The following EYS variants were observed in gnomAD, a reference collection of about 807,000 sequenced individuals.
EYS encodes EGF-like photoreceptor maintenance factor, also known as protein eyes shut homolog.
A neutral mutation model predicts 282.1 loss-of-function variants in EYS; 250 were observed. That is an observed-to-expected ratio of 0.89 (90% CI 0.80 to 0.98). EYS has a LOEUF of 0.98. EYS is among the 50% of genes least tolerant of loss of function. The probability of loss-of-function intolerance (pLI) is 0.00; values close to 1 mark genes in which losing one functional copy is unlikely to be tolerated. For missense variants in EYS, 4,016 were observed against 3,709.0 expected (o/e 1.08, Z -2.15); for synonymous variants, 1,355 against 1,282.9 (o/e 1.06, Z -1.20).
chr6:64,145,586 T>G (rs1159504255), intron 31 of EYS, among the ~76,000 whole-genome samples: 1 of 152,222 alleles, frequency 6.6e-6, no homozygotes, highest in Non-Finnish European at 1.5e-5. Context: ...ATCCTCTTGT[T>G]GCATTTCCAA....
rs1044049294 is a variant in EYS, at chr6:64,362,035, T to G, written c.6078+26655A>C. 2.6e-5 allele frequency among the ~76,000 whole-genome samples: 4 copies of G among 151,946 alleles called. No individual in the cohort carries two copies. In the East Asian group the frequency reaches 5.8e-4, roughly 22 times the overall value. On this transcript the variant is annotated intron_variant, in intron 29 of 42. Transcript: ENST00000503581. ...TTAATTTTGTTTATATGGGATTGTT[T>G]GAACATTAAGTTTAGAGAGATGATA...
intron 35 of EYS, among the ~76,000 whole-genome samples, chr6:63,925,688 G>T (rs796638140): frequency 9.2e-5 from 14 of 152,344 alleles, no homozygotes; most frequent in African/African-American, 3.4e-4. Flanking sequence ...CTATAGCCCA[G>T]GCTGGAGTGC....
At chr6:65,580,573 GTACTC>G (rs1764832112) in intron 2 of EYS, among the ~76,000 whole-genome samples, 1 of 151,990 alleles carries the variant, frequency 6.6e-6, no homozygotes, top group Non-Finnish European at 1.5e-5. Flanking sequence ...GCATTTGTAA[GTACTC>G]TACACATTGC....
chr6:65,219,938 C>T (rs1766417607), intron 12 of EYS, among the ~76,000 whole-genome samples: 2 of 152,064 alleles, frequency 1.3e-5, no homozygotes, highest in Admixed American at 1.3e-4. Flanking sequence ...AATTATCTTG[C>T]ACTGGGTCCC....
intron 30 of EYS, among the ~76,000 whole-genome samples, chr6:64,274,503 T>TTTTTTC (rs55928528): frequency 3.4e-5 from 5 of 148,036 alleles, no homozygotes; most frequent in Non-Finnish European, 5.9e-5. Flanking sequence ...TTTTTTTTTT[T>TTTTTTC]ACAAATCAGC....
intron 22 of EYS, among the ~76,000 whole-genome samples, chr6:64,768,688 A>G (rs1773428182): frequency 6.6e-6 from 1 of 152,162 alleles, no homozygotes; most frequent in Admixed American, 6.6e-5. Flanking sequence ...CCCTTTGGTG[A>G]TAAAGGTACA....
chr6:63,786,750 G>T (rs968058959), intron 39 of EYS, among the ~76,000 whole-genome samples: 1 of 151,942 alleles, frequency 6.6e-6, no homozygotes, highest in Non-Finnish European at 1.5e-5. Flanking sequence ...AATCTGGGAG[G>T]CTTGTTAAAA....
chr6:64,910,042 G>A (rs1389399153), intron 16 of EYS, among the ~76,000 whole-genome samples: 2 of 152,002 alleles, frequency 1.3e-5, no homozygotes, highest in South Asian at 2.1e-4. Flanking sequence ...AAATACATAC[G>A]CTGAATCCTT....
At chr6:64,244,647 T>C (rs1397793685) in intron 30 of EYS, among the ~76,000 whole-genome samples, 1 of 152,184 alleles carries the variant, frequency 6.6e-6, no homozygotes, top group Non-Finnish European at 1.5e-5. Context: ...CTCATTTTAT[T>C]CTCCATATCC....
intron 1 of EYS, among the ~76,000 whole-genome samples, chr6:65,682,930 A>G (rs2149839276): frequency 6.6e-6 from 1 of 152,074 alleles, no homozygotes; most frequent in African/African-American, 2.4e-5. Flanking sequence ...CAGAAAGGAA[A>G]GTTTAGGCCA....
intron 2 of EYS, among the ~76,000 whole-genome samples, chr6:65,545,916 C>T (rs1342220792): frequency 6.6e-6 from 1 of 152,000 alleles, no homozygotes; most frequent in Non-Finnish European, 1.5e-5. Flanking sequence ...ACTAGCATTG[C>T]TGTTGAACCA....
At chr6:64,855,874 C>G (rs1295890650) in intron 19 of EYS, among the ~76,000 whole-genome samples, 1 of 152,270 alleles carries the variant, frequency 6.6e-6, no homozygotes, top group East Asian at 1.9e-4. Flanking sequence ...ATTATGTACT[C>G]TTTCCAGATT....
intron 28 of EYS, among the ~76,000 whole-genome samples, chr6:64,410,374 A>C (rs1030455841): frequency 2.6e-5 from 4 of 152,144 alleles, no homozygotes; most frequent in African/African-American, 9.7e-5. Context: ...TCAAGGTTTT[A>C]CTAACTGAAA....
intron 31 of EYS, among the ~76,000 whole-genome samples, chr6:64,148,504 GCCTAAATTC>G (rs1483906796): frequency 6.6e-6 from 1 of 152,118 alleles, no homozygotes; most frequent in Admixed American, 6.6e-5. Flanking sequence ...GGCAAATGTT[GCCTAAATTC>G]TATCTCACAC....
intron 15 of EYS, among the ~76,000 whole-genome samples, chr6:64,918,833 T>G (rs1039321204): frequency 7.9e-5 from 12 of 152,142 alleles, no homozygotes; most frequent in South Asian, 4.1e-4. Context: ...ATCAAATAAA[T>G]TGCATGATTT....
intron 32 of EYS, among the ~76,000 whole-genome samples, chr6:64,068,671 A>AT (rs1771465433): frequency 6.6e-6 from 1 of 151,848 alleles, no homozygotes; most frequent in South Asian, 2.1e-4. Flanking sequence ...ATATATATAT[A>AT]AAAAGAATTA....
At chr6:65,623,345 C>T (rs1293049635) in intron 2 of EYS, among the ~76,000 whole-genome samples, 2 of 151,972 alleles carry the variant, frequency 1.3e-5, no homozygotes, top group Non-Finnish European at 2.9e-5. Flanking sequence ...AATCATTTGC[C>T]TTAATTTTTA....
chr6:64,579,015 C>G (rs1483792377), intron 26 of EYS, among the ~76,000 whole-genome samples: 3 of 152,094 alleles, frequency 2.0e-5, no homozygotes, highest in African/African-American at 7.2e-5. Context: ...TTTCTATGTA[C>G]AAGTGACTTA....
intron 12 of EYS, among the ~76,000 whole-genome samples, chr6:65,223,533 G>A (rs998773571): frequency 6.6e-6 from 1 of 152,158 alleles, no homozygotes; most frequent in Non-Finnish European, 1.5e-5. Context: ...TGTGCCAGAG[G>A]AGGCAAAAAT....
Sources: allele counts gnomAD v4.1 joint callset (sites outside exome capture counted in the v4.1 genomes callset), GRCh38; gene constraint gnomAD v4.1.1; transcripts MANE v1.5; gene names NCBI Gene and HGNC (gene_info 2026-07-23, HGNC 2026-07-21).